Variants in EPC1 observed in about 807,000 individuals in gnomAD.
EPC1 encodes the protein enhancer of polycomb 1.
Under a neutral mutation model 98.4 loss-of-function variants are expected in EPC1, and 12 were observed. The ratio of observed to expected loss-of-function variants is 0.12; its 90% CI spans 0.08 to 0.20. EPC1 has a LOEUF of 0.20. Ranked by LOEUF, EPC1 falls within the 10% of genes least tolerant of loss-of-function variation. The pLI, the probability that EPC1 is intolerant of heterozygous loss-of-function variation, is 1.00. For missense variants in EPC1, 729 were observed against 990.5 expected (o/e 0.74, Z 3.54); for synonymous variants, 357 against 363.9 (o/e 0.98, Z 0.21).
At chr10:32,302,356 A>G (rs1835603312) in intron 2 of EPC1, among the ~76,000 whole-genome samples, 1 of 151,948 alleles carries the variant, frequency 6.6e-6, no homozygotes, top group African/African-American at 2.4e-5. Context: ...CATAGAAAGT[A>G]AGCAAAAGAG....
intron 10 of EPC1, chr10:32,284,113 T>C (rs1224436146): frequency 6.6e-6 from 1 of 152,230 alleles, no homozygotes; most frequent in Non-Finnish European, 1.5e-5. Context: ...CAGCTAAGAT[T>C]ATAGGAATAT....
Position 32,271,805 on chromosome 10 carries a change from T to G in EPC1, c.2118A>C (p.Ser706=). 6.2e-7 allele frequency: 1 copy of G among 1,614,204 alleles called. No homozygotes were observed. The highest frequency in any genetic ancestry group is 8.5e-7 in the Non-Finnish European group (1 of 1,180,038). ...LLQPSNITQT[S]SSHSALSHQV... is the part of the protein sequence containing the mutation. ...GATGACTCAGTGCACTGTGGGAACTTGAAGTCTGTGTAATATTTGAAGGCT... is the reference window on the plus strand; with the variant it reads ...GATGACTCAGTGCACTGTGGGAACTGGAAGTCTGTGTAATATTTGAAGGCT... The change falls in exon 13 of 14, where the codon TCA becomes TCC. Residue 706 remains serine, a synonymous_variant. Coordinates refer to ENST00000319778, the MANE Select transcript of EPC1 (RefSeq NM_001272004.3).
At chr10:32,316,809 A>G (rs960464819) in intron 1 of EPC1, among the ~76,000 whole-genome samples, 1 of 152,222 alleles carries the variant, frequency 6.6e-6, no homozygotes, top group Non-Finnish European at 1.5e-5. Context: ...TTTTGACTCA[A>G]ATGAAAGCAA....
At chr10:32,294,472 G>A (rs1441498241) in intron 2 of EPC1, among the ~76,000 whole-genome samples, 1 of 152,188 alleles carries the variant, frequency 6.6e-6, no homozygotes, top group Non-Finnish European at 1.5e-5. Context: ...CATCACATGA[G>A]GGCAGGTGTA....
rs545878916 is a variant in EPC1 at position 32,284,735 on chromosome 10, A to G, written c.1707T>C (p.Ser569=). The change falls in exon 10 of 14, where the codon TCT becomes TCC. Residue 569 remains serine, a synonymous_variant. Transcript: ENST00000319778. ...AACCACTGCTACTTTTACTTTGCGT[A>G]GAGGTACTGCATGTCTGGGTCCCAG... ...AQPGTQTCST[S]TQSKSSSGSA... 17 of 1,614,092 alleles carry G rather than the reference A, an allele frequency of 1.1e-5. No homozygotes were observed. Among genetic ancestry groups the G allele is most frequent in the African/African-American group, 4.0e-5 (3 of 75,056 alleles).
At chr10:32,288,622 A>G (rs1836825885) in intron 6 of EPC1, among the ~76,000 whole-genome samples, 1 of 152,072 alleles carries the variant, frequency 6.6e-6, no homozygotes, top group Non-Finnish European at 1.5e-5. Context: ...AAGTGTTGGG[A>G]TTATAGGCAT....
intron 11 of EPC1, 84 bp downstream of exon 11, chr10:32,273,079 G>T: frequency 6.2e-7 from 1 of 1,614,124 alleles, no homozygotes; most frequent in South Asian, 1.1e-5. Context: ...TTAGATGCAA[G>T]GTTCTATGAC....
upstream of EPC1, among the ~76,000 whole-genome samples, chr10:32,350,122 A>G (rs1839069337): frequency 6.6e-6 from 1 of 152,200 alleles, no homozygotes; most frequent in African/African-American, 2.4e-5. Flanking sequence ...GAAATTCTCG[A>G]TGTTGCAAAC....
rs143235780 is a variant in EPC1 at position 32,328,926 on chromosome 10, T to C, written c.153+17837A>G. ...CAAGGAAACACATACAGGTCTGATA[T>C]ACAGAATTATGCGTATCACCTGGAA... is the stretch of plus-strand genomic sequence containing the variant. On this transcript the variant is annotated intron_variant, in intron 1 of 13. Transcript: ENST00000319778. 8.5e-5 allele frequency among the ~76,000 whole-genome samples: 13 copies of C among 152,330 alleles called. 1 individual carries two copies. The East Asian group carries it at 2.3e-3, about 27-fold the overall frequency.
intron 1 of EPC1, among the ~76,000 whole-genome samples, chr10:32,371,309 A>T (rs1382776079): frequency 6.6e-6 from 1 of 152,172 alleles, no homozygotes; most frequent in African/African-American, 2.4e-5. Flanking sequence ...AGAGCTAAAT[A>T]TAGGTCATTG....
intron 1 of EPC1, among the ~76,000 whole-genome samples, chr10:32,324,456 G>A (rs186176652): frequency 2.8e-4 from 42 of 150,628 alleles, no homozygotes; most frequent in African/African-American, 1.0e-3. Flanking sequence ...GCTTGAACTC[G>A]AGATGCCAGG....
At chr10:32,313,103 G>A (rs890192475) in intron 1 of EPC1, among the ~76,000 whole-genome samples, 4 of 151,934 alleles carry the variant, frequency 2.6e-5, no homozygotes, top group African/African-American at 9.7e-5. Flanking sequence ...ACTTCTGAGA[G>A]CATGGTAATG....
intron 2 of EPC1, 21 bp from the exon 3 acceptor site, chr10:32,293,758 C>G (rs747217942): frequency 6.3e-7 from 1 of 1,599,650 alleles, no homozygotes; most frequent in Non-Finnish European, 8.5e-7. Context: ...GAACCATATG[C>G]AATCATTTAC....
chr10:32,287,948 CAT>C (rs1564526155), intron 6 of EPC1, among the ~76,000 whole-genome samples: 1 of 152,064 alleles, frequency 6.6e-6, no homozygotes, highest in Non-Finnish European at 1.5e-5. Flanking sequence ...ATGTTCGAAA[CAT>C]GTATTGCAGA....
chr10:32,344,038 A>C (rs1838572948), intron 1 of EPC1, among the ~76,000 whole-genome samples: 1 of 152,234 alleles, frequency 6.6e-6, no homozygotes, highest in African/African-American at 2.4e-5. Context: ...ACAGTGACCT[A>C]ATAAGATAAC....
At position 32,341,376 on chromosome 10, in the gene EPC1, C is replaced by T. The variant is rs79519941; in HGVS notation, c.153+5387G>A. 1.5e-3 allele frequency among the ~76,000 whole-genome samples: 225 copies of T among 152,068 alleles called. 1 individual carries two copies. Among genetic ancestry groups the T allele is most frequent in the African/African-American group, 5.0e-3 (209 of 41,504 alleles). On this transcript the variant is annotated intron_variant, in intron 1 of 13. Coordinates refer to ENST00000319778, the MANE Select transcript of EPC1 (RefSeq NM_001272004.3). ...TATGTTTCTACCATTACTACCAGTA[C>T]ATACCATGACACAGTAGAATGCAAA... is the stretch of plus-strand genomic sequence containing the variant.
intron 1 of EPC1, among the ~76,000 whole-genome samples, chr10:32,366,152 A>G (rs1839598531): frequency 6.6e-6 from 1 of 152,148 alleles, no homozygotes; most frequent in South Asian, 2.1e-4. Context: ...AACAACAACG[A>G]CCACGAGTAC....
At chr10:32,282,907 T>G (rs1174340023) in intron 10 of EPC1, 2 of 152,172 alleles carry the variant, frequency 1.3e-5, no homozygotes, top group African/African-American at 2.4e-5. Context: ...TGTTAAAACC[T>G]CTATACTAAC....
At chr10:32,290,155 T>C (rs1836914323) in intron 6 of EPC1, among the ~76,000 whole-genome samples, 2 of 151,976 alleles carry the variant, frequency 1.3e-5, no homozygotes, top group Admixed American at 1.3e-4. Flanking sequence ...CAAAATTCCC[T>C]CTTATACACT....
Sources: gnomAD v4.1 joint callset for allele counts (sites outside exome capture counted in the v4.1 genomes callset) on GRCh38, gnomAD v4.1.1 for gene constraint, MANE v1.5 for transcripts, NCBI Gene and HGNC (gene_info 2026-07-23, HGNC 2026-07-21) for gene names.